Variants in ZBTB7A observed in about 807,000 individuals in gnomAD.
The protein encoded by ZBTB7A is zinc finger and BTB domain-containing protein 7A.
ZBTB7A carries 7 observed loss-of-function variants against 26.7 expected under a neutral mutation model. The observed-to-expected ratio is 0.26, with a 90% CI of 0.15 to 0.49. ZBTB7A has a LOEUF of 0.49. Ranked by LOEUF, ZBTB7A falls within the 20% of genes least tolerant of loss-of-function variation. The pLI is 0.98. For synonymous variants in ZBTB7A, 452 were observed against 441.0 expected (o/e 1.02, Z -0.31); for missense variants, 617 against 919.5 (o/e 0.67, Z 4.25).
intron 2 of ZBTB7A, 79 bp downstream of exon 2, chr19:4,053,892 A>G: frequency 6.7e-7 from 1 of 1,494,244 alleles, no homozygotes; most frequent in Non-Finnish European, 9.0e-7. Flanking sequence ...CGGTGCAGGG[A>G]GAGAGGCGGG....
intron 1 of ZBTB7A, among the ~76,000 whole-genome samples, chr19:4,058,095 G>A (rs896747971): frequency 6.6e-6 from 1 of 152,202 alleles, no homozygotes; most frequent in African/African-American, 2.4e-5. Context: ...CAAGGCCACC[G>A]TGGGTGTGCC....
intron 1 of ZBTB7A, chr19:4,065,751 G>A (rs1457346621): frequency 1.5e-5 from 2 of 135,986 alleles, no homozygotes; most frequent in African/African-American, 5.5e-5. Context: ...CCCCCCCCAC[G>A]GGCGGGGGGC....
Position 4,048,576 on chromosome 19 carries a change from A to G in ZBTB7A, c.1263-332T>C, listed in dbSNP as rs1003875626. ...CCAGGCGCGGAGGCTCAGGCCTGAA[A>G]TCCCAGCACTTTGGGAGGCCGAGGC... On this transcript the variant is annotated intron_variant, in intron 2 of 2. Coordinates refer to ENST00000322357, the MANE Select transcript of ZBTB7A (RefSeq NM_015898.4). This position sits in a 1 kb window ranked among gnomAD's most constrained non-coding sequence, Gnocchi z 6.7. 3.3e-5 allele frequency among the ~76,000 whole-genome samples: 5 copies of G among 152,152 alleles called. No individual in the cohort carries two copies. The highest frequency in any genetic ancestry group is 6.5e-5 in the Admixed American group (1 of 15,274).
At position 4,045,774 on chromosome 19, in the gene ZBTB7A, C is replaced by A. The variant is rs1474208368; in HGVS notation, c.*1978G>T. 7.5e-6 allele frequency: 3 copies of A among 397,750 alleles called. No individual in the cohort carries two copies. The East Asian group carries it at 1.1e-4, about 14-fold the overall frequency. 24.6% of individuals were successfully genotyped at this position (397,750 alleles called of 1,614,324 possible). ...ATCTGGCGACATAGTCTCCCCAACC[C>A]CGGCCCCTGTCCGTGGCCTGTGGCT... On this transcript the variant is annotated 3_prime_UTR_variant, in exon 3 of 3. Coordinates refer to ENST00000322357, the MANE Select transcript of ZBTB7A (RefSeq NM_015898.4). This position sits in a 1 kb window ranked among gnomAD's most constrained non-coding sequence, Gnocchi z 4.1.
intron 2 of ZBTB7A, among the ~76,000 whole-genome samples, chr19:4,049,317 G>A (rs2040472369): frequency 7.4e-6 from 1 of 135,324 alleles, no homozygotes; most frequent in South Asian, 2.1e-4. Flanking sequence ...GATTACAGGT[G>A]TGAGCCACTG....
chr19:4,060,300 G>T (rs938908335), intron 1 of ZBTB7A, among the ~76,000 whole-genome samples: 2 of 152,232 alleles, frequency 1.3e-5, no homozygotes, highest in Non-Finnish European at 2.9e-5. Context: ...CACCCAGCTG[G>T]CTGCCAGGCA....
chr19:4,066,699 G>T lies in ZBTB7A; in HGVS notation c.-33C>A. ...TGACTTACCTCGCGGGGCCGGGCCG[G>T]GGCGCGCGGGGCCGGGGCCCGAAGT... On this transcript the variant is annotated 5_prime_UTR_variant, in exon 1 of 3. Coordinates refer to ENST00000322357, the MANE Select transcript of ZBTB7A (RefSeq NM_015898.4). The T allele has an allele frequency of 6.6e-6, 1 of 151,224 alleles. No homozygotes were observed. Among genetic ancestry groups the T allele is most frequent in the South Asian group, 1.9e-4 (1 of 5,310 alleles). 9.4% of individuals were successfully genotyped at this position (151,224 alleles called of 1,614,324 possible).
At chr19:4,057,759 G>C (rs902598479) in intron 1 of ZBTB7A, among the ~76,000 whole-genome samples, 12 of 146,662 alleles carry the variant, frequency 8.2e-5, no homozygotes, top group Non-Finnish European at 1.8e-4. Flanking sequence ...CTCCAGTCTG[G>C]TGACAGAGCG....
chr19:4,051,052 C>A (rs942754810), intron 2 of ZBTB7A, among the ~76,000 whole-genome samples: 2 of 123,560 alleles, frequency 1.6e-5, no homozygotes, highest in Non-Finnish European at 3.2e-5. Flanking sequence ...GAGCTGAGAT[C>A]GTGCCACTGC....
At chr19:4,057,335 C>T (rs2040591170) in intron 1 of ZBTB7A, among the ~76,000 whole-genome samples, 1 of 152,086 alleles carries the variant, frequency 6.6e-6, no homozygotes, top group Non-Finnish European at 1.5e-5. Flanking sequence ...AAGAGCGAAA[C>T]TCCGTGTTGG....
chr19:4,063,973 G>A lies in ZBTB7A; in HGVS notation c.-16+2709C>T, dbSNP rs559377285. On this transcript the variant is annotated intron_variant, in intron 1 of 2. Coordinates refer to ENST00000322357, the MANE Select transcript of ZBTB7A (RefSeq NM_015898.4). ...CTGCCACCAGGTGGACCCAGCTATA[G>A]GTCAGAGGGACTCAAGGAAAGAAAA... Among the ~76,000 whole-genome samples, 161 of 152,304 alleles carry A rather than the reference G, an allele frequency of 1.1e-3. 6 individuals are homozygous for A. In the South Asian group the frequency reaches 0.029, roughly 28 times the overall value.
At position 4,054,384 on chromosome 19, in the gene ZBTB7A, C is replaced by T. The variant is rs1448885088; in HGVS notation, c.849G>A (p.Leu283=). 67 of 1,423,388 alleles carry T rather than the reference C, an allele frequency of 4.7e-5. No individual in the cohort carries two copies. The highest frequency in any genetic ancestry group is 5.6e-5 in the Non-Finnish European group (62 of 1,101,192). 88.2% of individuals were successfully genotyped at this position (1,423,388 alleles called of 1,614,324 possible). ...CGCCCGGCTCGGGGGCCGCCTCCGA[C>T]AGCGAGGCGGCCTCCTCCTCTCCGC... is the stretch of plus-strand genomic sequence containing the variant. The part of the protein sequence containing the change: ...GRGGEEEAAS[L]SEAAPEPGDS... Residue 283 remains leucine, a synonymous_variant, in exon 2 of 3, where the codon CTG becomes CTA. Transcript: ENST00000322357.
Position 4,053,376 on chromosome 19 carries a change from T to C in ZBTB7A, c.1262+595A>G, listed in dbSNP as rs566207213. Among the ~76,000 whole-genome samples the C allele has an allele frequency of 3.3e-5, 5 of 152,300 alleles. No individual in the cohort carries two copies. In the South Asian group the frequency reaches 1.0e-3, roughly 32 times the overall value. ...TGGGGTGTGTCTGTTTGCGTGTGTG[T>C]GCATATATGTGTGTCTGTGGGTGCA... On this transcript the variant is annotated intron_variant, in intron 2 of 2. Transcript: ENST00000322357.
At chr19:4,064,560 T>C (rs1360313647) in intron 1 of ZBTB7A, among the ~76,000 whole-genome samples, 5 of 152,160 alleles carry the variant, frequency 3.3e-5, no homozygotes, top group Non-Finnish European at 7.4e-5. Flanking sequence ...AGTTTGCCAA[T>C]AGGAAGTGAT....
At chr19:4,064,944 C>G (rs956042509) in intron 1 of ZBTB7A, among the ~76,000 whole-genome samples, 3 of 152,020 alleles carry the variant, frequency 2.0e-5, no homozygotes, top group Non-Finnish European at 4.4e-5. Flanking sequence ...CCCCCGCCAG[C>G]CAGCCCGGGC....
In ZBTB7A at chr19:4,046,782, A is replaced by C. The variant is rs1028481855; in HGVS notation, c.*970T>G. The C allele has an allele frequency of 7.5e-5, 11 of 147,304 alleles. No individual in the cohort carries two copies. Among genetic ancestry groups the C allele is most frequent in the African/African-American group, 1.7e-4 (7 of 40,646 alleles). 9.1% of individuals were successfully genotyped at this position (147,304 alleles called of 1,614,324 possible). ...AAGTATATTATTTATATATATATAT[A>C]TATCTATATATAAATTTTGTTTTTA... is the stretch of plus-strand genomic sequence containing the variant. On this transcript the variant is annotated 3_prime_UTR_variant, in exon 3 of 3. Coordinates refer to ENST00000322357, the MANE Select transcript of ZBTB7A (RefSeq NM_015898.4).
At chr19:4,065,650 G>C (rs938187400) in intron 1 of ZBTB7A, 1 of 140,998 alleles carries the variant, frequency 7.1e-6, no homozygotes. Flanking sequence ...GCCCGGGCCC[G>C]GCCTGCGCTA....
intron 1 of ZBTB7A, among the ~76,000 whole-genome samples, chr19:4,059,863 G>A (rs2040621085): frequency 6.6e-6 from 1 of 152,186 alleles, no homozygotes; most frequent in Admixed American, 6.5e-5. Flanking sequence ...AGCACCCCCG[G>A]CGGGGGCCAC....
intron 2 of ZBTB7A, among the ~76,000 whole-genome samples, chr19:4,049,835 C>T (rs1416664780): frequency 2.0e-5 from 3 of 152,182 alleles, no homozygotes; most frequent in Non-Finnish European, 4.4e-5. Context: ...TTCTTTTTTC[C>T]TCCTGGATCT....
Sources: gnomAD v4.1 joint callset for allele counts (sites outside exome capture counted in the v4.1 genomes callset) on GRCh38, gnomAD v4.1.1 for gene constraint, Gnocchi (gnomAD v3.1) non-coding constraint, MANE v1.5 for transcripts, NCBI Gene and HGNC (gene_info 2026-07-23, HGNC 2026-07-21) for gene names.